FER: variants seen among roughly 807,000 people sequenced by gnomAD.
The protein encoded by FER is FER tyrosine kinase.
Under a neutral mutation model 111.0 loss-of-function variants are expected in FER, and 63 were observed. The observed-to-expected ratio is 0.57, with a 90% confidence interval of 0.46 to 0.70. The LOEUF (loss-of-function observed/expected upper bound fraction) is 0.70, where lower values mean the gene tolerates loss of function less well. FER is among the 30% of genes least tolerant of loss of function. The probability of loss-of-function intolerance (pLI) is 0.00; values close to 1 mark genes in which losing one functional copy is unlikely to be tolerated. For synonymous variants in FER, 327 were observed against 313.9 expected, an observed-to-expected ratio of 1.04 and a Z score of -0.44; for missense variants, 914 against 954.0, an observed-to-expected ratio of 0.96 and a Z score of 0.55.
At chr5:108,946,775 A>T (rs1290007324) in intron 11 of FER, among the ~76,000 whole-genome samples, 1 of 147,602 alleles carries the variant, frequency 6.8e-6, no homozygotes, top group African/African-American at 2.5e-5. Context: ...ACATGAACAA[A>T]CACACAGAAG....
At position 108,966,548 on chromosome 5, in the gene FER, G is replaced by A. The variant is rs192680465; in HGVS notation, c.1656+7201G>A. On this transcript the variant is annotated intron_variant, in intron 13 of 19. Transcript: ENST00000281092. ...GATTACAGGCACGTGCCACCACGCC[G>A]GGCTAACTTTTGTGTTTTTAGTAGA... is the stretch of plus-strand genomic sequence containing the variant. Among the ~76,000 whole-genome samples the A allele has an allele frequency of 7.1e-4, 107 of 151,586 alleles. 1 individual carries two copies. Among genetic ancestry groups the A allele is most frequent in the African/African-American group, 2.1e-3 (87 of 41,348 alleles).
chr5:108,833,257 C>G (rs1436688542), intron 4 of FER, among the ~76,000 whole-genome samples: 1 of 152,028 alleles, frequency 6.6e-6, no homozygotes, highest in Non-Finnish European at 1.5e-5. Flanking sequence ...TTTGTCTTAT[C>G]TAATACTTTG....
At chr5:108,990,814 A>G (rs1203869669) in intron 13 of FER, among the ~76,000 whole-genome samples, 4 of 151,824 alleles carry the variant, frequency 2.6e-5, no homozygotes, top group African/African-American at 9.7e-5. Flanking sequence ...CAAGCAATAC[A>G]GAGATTCTCT....
intron 16 of FER, among the ~76,000 whole-genome samples, chr5:109,059,193 G>C (rs1208987205): frequency 6.6e-6 from 1 of 151,992 alleles, no homozygotes; most frequent in Non-Finnish European, 1.5e-5. Context: ...AGATAAATCA[G>C]CAGAAAAGCA....
chr5:109,071,992 G>C (rs944444651), intron 16 of FER, among the ~76,000 whole-genome samples: 1 of 150,126 alleles, frequency 6.7e-6, no homozygotes, highest in Admixed American at 6.6e-5. Flanking sequence ...TTTTGAGTGT[G>C]CGTTATGTTA....
intron 17 of FER, among the ~76,000 whole-genome samples, chr5:109,106,977 T>TATATGGTTACTGGTAGGAAAG (rs2150079561): frequency 6.6e-6 from 1 of 152,302 alleles, no homozygotes; most frequent in Non-Finnish European, 1.5e-5. Context: ...AGATGCAGTA[T>TATATGGTTACTGGTAGGAAAG]ATGCAGAGAC....
At chr5:109,172,150 C>G (rs528727165) in intron 17 of FER, among the ~76,000 whole-genome samples, 3 of 152,004 alleles carry the variant, frequency 2.0e-5, no homozygotes, top group East Asian at 1.9e-4. Context: ...ACCCAAAGGA[C>G]TATAAATCAT....
At chr5:109,003,629 A>T (rs1030753382) in intron 13 of FER, among the ~76,000 whole-genome samples, 37 of 151,988 alleles carry the variant, frequency 2.4e-4, no homozygotes, top group African/African-American at 4.6e-4. Flanking sequence ...TAATAAAATT[A>T]AAAAAATAAA....
In FER at chr5:109,184,728, C is replaced by A. The variant is rs181060556; in HGVS notation, c.2204-1472C>A. Among the ~76,000 whole-genome samples the A allele has an allele frequency of 2.3e-3, 344 of 152,286 alleles. 1 individual carries two copies. The highest frequency in any genetic ancestry group is 7.8e-3 in the African/African-American group (323 of 41,564). On this transcript the variant is annotated intron_variant, in intron 18 of 19. Transcript: ENST00000281092. ...TTCCACCCAAAAATGTCCATAATTA[C>A]TATCTATCTACTAAGAAGGACGCTA...
chr5:108,958,770 C>T (rs1011073903), intron 12 of FER, among the ~76,000 whole-genome samples: 1 of 151,662 alleles, frequency 6.6e-6, no homozygotes, highest in Admixed American at 6.6e-5. Context: ...AAATATTTAC[C>T]ATCAGATTGG....
chr5:109,154,753 AC>A (rs1373899145), intron 17 of FER, among the ~76,000 whole-genome samples: 1 of 151,910 alleles, frequency 6.6e-6, no homozygotes, highest in Non-Finnish European at 1.5e-5. Context: ...TTATCTTAAG[AC>A]CCTAAAATGA....
intron 13 of FER, among the ~76,000 whole-genome samples, chr5:108,988,182 A>G (rs1201571992): frequency 6.6e-6 from 1 of 151,932 alleles, no homozygotes; most frequent in Non-Finnish European, 1.5e-5. Context: ...ATTCTGTTGG[A>G]TTCGGTTAGC....
intron 16 of FER, among the ~76,000 whole-genome samples, chr5:109,068,694 C>T (rs1032827380): frequency 5.9e-5 from 9 of 152,042 alleles, no homozygotes; most frequent in African/African-American, 2.2e-4. Flanking sequence ...CTTTAAGCCT[C>T]AACATTTTTA....
At chr5:109,152,408 T>C (rs761897069) in intron 17 of FER, among the ~76,000 whole-genome samples, 1 of 151,944 alleles carries the variant, frequency 6.6e-6, no homozygotes, top group Non-Finnish European at 1.5e-5. Context: ...GGAGACCAGT[T>C]TTAATTTTCA....
chr5:108,902,196 A>T (rs1030420915), intron 10 of FER, among the ~76,000 whole-genome samples: 5 of 152,220 alleles, frequency 3.3e-5, no homozygotes, highest in Non-Finnish European at 7.3e-5. Flanking sequence ...AAAACGGGCT[A>T]TAAGAATACA....
intron 13 of FER, among the ~76,000 whole-genome samples, chr5:109,026,234 T>G (rs1768716752): frequency 6.6e-6 from 1 of 152,186 alleles, no homozygotes; most frequent in Non-Finnish European, 1.5e-5. Flanking sequence ...AAGAACTATT[T>G]TATGTAGCTT....
At chr5:108,801,891 A>G (rs1756693951) in intron 3 of FER, among the ~76,000 whole-genome samples, 1 of 152,218 alleles carries the variant, frequency 6.6e-6, no homozygotes, top group Admixed American at 6.5e-5. Context: ...GCACTGCTAT[A>G]GCAAGGATAA....
At chr5:108,845,043 T>TATATATATATATATAC (rs1761854960) in intron 5 of FER, among the ~76,000 whole-genome samples, 1 of 29,340 alleles carries the variant, frequency 3.4e-5, no homozygotes, top group Non-Finnish European at 6.2e-5. Flanking sequence ...TATATATACA[T>TATATATATATATATAC]ATATATATAT....
Position 108,777,127 on chromosome 5 carries a change from ATTG to A in FER, c.-60+8898_-60+8900del, listed in dbSNP as rs1036470910. Among the ~76,000 whole-genome samples the A allele has an allele frequency of 3.9e-4, 59 of 152,230 alleles. 1 individual carries two copies. The highest frequency in any genetic ancestry group is 1.2e-3 in the African/African-American group (48 of 41,564). On this transcript the variant is annotated intron_variant, in intron 2 of 19. Transcript: ENST00000281092. ...AGAAGTTGGAGACCAGCCTGGGATT[ATTG>A]TTGTTGTTTTTTAACTGGTGAATTT... is the stretch of plus-strand genomic sequence containing the variant.
Sources: gnomAD v4.1 joint callset for allele counts (sites outside exome capture counted in the v4.1 genomes callset) on GRCh38, gnomAD v4.1.1 for gene constraint, MANE v1.5 for transcripts, NCBI Gene and HGNC (gene_info 2026-07-23, HGNC 2026-07-21) for gene names.